The following ZNF41 variants were observed in gnomAD, a reference collection of about 807,000 sequenced individuals.
The protein encoded by ZNF41 is zinc finger protein 41.
ZNF41 carries 6 observed loss-of-function variants against 9.3 expected under a neutral mutation model. The observed-to-expected ratio is 0.65, with a 90% CI of 0.35 to 1.28. The LOEUF is 1.28. Among genes scored for constraint, ZNF41 ranks in the 50% most tolerant of loss-of-function variants. ZNF41 has a pLI of 0.03. For missense variants in ZNF41, 523 were observed against 585.8 expected (o/e 0.89, Z 1.11); for synonymous variants, 192 against 207.1 (o/e 0.93, Z 0.63).
intron 4 of ZNF41, among the ~76,000 whole-genome samples, chrX:47,454,426 A>G (rs1430749959): frequency 8.9e-6 from 1 of 111,860 alleles, no homozygotes; most frequent in African/African-American, 3.2e-5. Context: ...AATTGTTAGC[A>G]GAAACACTGG....
chrX:47,451,460 A>G (rs144519253), intron 4 of ZNF41, among the ~76,000 whole-genome samples: 3,788 of 112,149 alleles, frequency 0.034, 174 homozygotes, highest in African/African-American at 0.12. Flanking sequence ...CTGTATCAAA[A>G]TATCCCATGC....
intron 4 of ZNF41, 58 bp downstream of exon 4, chrX:47,455,863 C>T (rs755925485): frequency 7.9e-5 from 87 of 1,094,614 alleles, no homozygotes; most frequent in Non-Finnish European, 1.1e-4. Flanking sequence ...ATCGGGCTTT[C>T]CTAGGGAAAG....
intron 2 of ZNF41, among the ~76,000 whole-genome samples, chrX:47,462,935 A>G (rs2056854221): frequency 1.8e-5 from 1 of 56,580 alleles, no homozygotes; most frequent in African/African-American, 5.7e-5. Context: ...TATCACACAC[A>G]TATATATATA....
At position 47,447,616 on chromosome X, in the gene ZNF41, G is replaced by A; in HGVS notation, c.2154C>T (p.His718=). ...IHQKSHTGER[H]YECSKCGKAF... ...CTTTCCCACATTTACTACATTCATA[G>A]TGTCTTTCTCCAGTATGAGACTTCT... Residue 718 remains histidine, a synonymous_variant, in exon 5 of 5, where the codon CAC becomes CAT. Transcript: ENST00000684689. 1 of 1,211,398 alleles carries A rather than the reference G, an allele frequency of 8.3e-7. No individual in the cohort carries two copies.
At chrX:47,458,779 T>G (rs1429042332) in intron 2 of ZNF41, among the ~76,000 whole-genome samples, 5 of 107,780 alleles carry the variant, frequency 4.6e-5, no homozygotes, top group African/African-American at 1.7e-4. Context: ...TTTTTTTTGT[T>G]TTGTTTTTTT....
chrX:47,459,828 T>C (rs2056720315), intron 2 of ZNF41, among the ~76,000 whole-genome samples: 1 of 107,758 alleles, frequency 9.3e-6, no homozygotes, highest in African/African-American at 3.4e-5. Flanking sequence ...CTGAGCTCTA[T>C]TTCACATTAC....
At chrX:47,466,480 C>T (rs897134430) in intron 2 of ZNF41, among the ~76,000 whole-genome samples, 10 of 110,921 alleles carry the variant, frequency 9.0e-5, no homozygotes, top group African/African-American at 2.9e-4. Context: ...GTGTTGTCAC[C>T]GCCAACTTGA....
chrX:47,466,685 C>CT (rs1247999797), intron 2 of ZNF41, among the ~76,000 whole-genome samples: 1 of 110,833 alleles, frequency 9.0e-6, no homozygotes, highest in Non-Finnish European at 1.9e-5. Flanking sequence ...ATTCAGCTAA[C>CT]TTTTTGTATT....
intron 1 of ZNF41, among the ~76,000 whole-genome samples, chrX:47,476,465 A>G (rs1196520378): frequency 8.9e-6 from 1 of 112,103 alleles, no homozygotes; most frequent in Admixed American, 9.5e-5. Flanking sequence ...GAACTCTTAC[A>G]ACTTGATAAT....
chrX:47,458,952 T>C (rs1250072880), intron 2 of ZNF41, among the ~76,000 whole-genome samples: 1 of 110,237 alleles, frequency 9.1e-6, no homozygotes, highest in Non-Finnish European at 1.9e-5. Flanking sequence ...GTTAAAGCAA[T>C]GTGGGAGGAC....
At chrX:47,478,550 A>G (rs1467779155) in intron 1 of ZNF41, among the ~76,000 whole-genome samples, 1 of 110,905 alleles carries the variant, frequency 9.0e-6, no homozygotes, top group African/African-American at 3.3e-5. Flanking sequence ...GGTGGCTTTC[A>G]TGTTAAGTGT....
intron 1 of ZNF41, among the ~76,000 whole-genome samples, chrX:47,469,049 C>T (rs1354786765): frequency 9.0e-6 from 1 of 110,635 alleles, no homozygotes; most frequent in Admixed American, 9.7e-5. Flanking sequence ...CGGTGGCTCA[C>T]GCCTGTAATC....
At chrX:47,453,327 G>A (rs1234660724) in intron 4 of ZNF41, among the ~76,000 whole-genome samples, 1 of 111,899 alleles carries the variant, frequency 8.9e-6, no homozygotes, top group Non-Finnish European at 1.9e-5. Context: ...CAGAATTCTT[G>A]TGGGATGGAG....
At chrX:47,453,787 G>A (rs2056447955) in intron 4 of ZNF41, among the ~76,000 whole-genome samples, 1 of 111,726 alleles carries the variant, frequency 9.0e-6, no homozygotes, top group African/African-American at 3.2e-5. Flanking sequence ...AAAATATGGA[G>A]CTGGCCGGGC....
chrX:47,448,155 T>C lies in ZNF41; in HGVS notation c.1615A>G (p.Ile539Val). The C allele has an allele frequency of 8.3e-7, 1 of 1,211,377 alleles. No homozygotes were observed. The highest frequency in any genetic ancestry group is 1.1e-6 in the Non-Finnish European group (1 of 895,197). ...GKAFTDQSNL[I>V]KHQKTHTGEK... The stretch of plus-strand genomic sequence containing the variant: ...CCAGTGTGAGTTTTCTGGTGTTTAA[T>C]GAGATTTGACTGGTCAGTAAAAGCC... The change falls in exon 5 of 5, where the codon ATT becomes GTT. Residue 539 changes from isoleucine to valine, a missense_variant. Physicochemically the swap from Ile to Val is conservative, Grantham distance 29. Transcript: ENST00000684689.
chrX:47,470,682 G>A (rs761031818), intron 1 of ZNF41, among the ~76,000 whole-genome samples: 44 of 107,215 alleles, frequency 4.1e-4, no homozygotes, highest in Non-Finnish European at 7.5e-4. Flanking sequence ...AGCCGAGATC[G>A]TGCCACTGCA....
rs188241210 is a variant in ZNF41 at position 47,472,175 on chromosome X, T to C, written c.-279-4415A>G. ...CTCACTCAAGAGAAATGCAAATATA[T>C]GTTTACTAAAAGAGATGATAATGCT... On this transcript the variant is annotated intron_variant, in intron 1 of 4. Transcript: ENST00000684689. Among the ~76,000 whole-genome samples the C allele has an allele frequency of 6.3e-5, 7 of 111,704 alleles. No individual in the cohort carries two copies. In the East Asian group the frequency reaches 1.9e-3, roughly 31 times the overall value.
intron 1 of ZNF41, among the ~76,000 whole-genome samples, chrX:47,475,468 T>TA (rs754047651): frequency 8.9e-6 from 1 of 111,894 alleles, no homozygotes; most frequent in South Asian, 3.7e-4. Flanking sequence ...TTTTAACACA[T>TA]AAAAAATGGA....
Position 47,468,950 on chromosome X carries a change from A to G in ZNF41, c.-279-1190T>C, listed in dbSNP as rs533237272. The stretch of plus-strand genomic sequence containing the variant: ...AGAAAACTCTACAAATCATTGAGAC[A>G]GAAGGACTGACATCCAAGAATTCTA... On this transcript the variant is annotated intron_variant, in intron 1 of 4. Transcript: ENST00000684689. 3.0e-4 allele frequency among the ~76,000 whole-genome samples: 34 copies of G among 111,782 alleles called. 1 individual carries two copies. The South Asian group carries it at 0.013, about 41-fold the overall frequency.
Sources: allele counts gnomAD v4.1 joint callset (sites outside exome capture counted in the v4.1 genomes callset), GRCh38; gene constraint gnomAD v4.1.1; transcripts MANE v1.5; gene names NCBI Gene and HGNC (gene_info 2026-07-23, HGNC 2026-07-21).